The following GRM7 variants were observed in gnomAD, a reference collection of about 807,000 sequenced individuals.
GRM7 encodes the protein metabotropic glutamate receptor 7.
A neutral mutation model predicts 84.5 loss-of-function variants in GRM7; 35 were observed. The ratio of observed to expected loss-of-function variants is 0.41; its 90% CI spans 0.32 to 0.55. The LOEUF is 0.55. GRM7 is among the 20% of genes least tolerant of loss of function. GRM7 has a pLI of 0.19. For synonymous variants in GRM7, 487 were observed against 455.1 expected (o/e 1.07, Z -0.89); for missense variants, 1,003 against 1,194.6 (o/e 0.84, Z 2.36).
intron 3 of GRM7, among the ~76,000 whole-genome samples, chr3:7,300,308 G>A (rs900083749): frequency 2.6e-5 from 4 of 152,110 alleles, no homozygotes; most frequent in East Asian, 1.9e-4. Context: ...CCTGCTTTGT[G>A]TATCCTAGAC....
At chr3:6,933,066 T>C (rs1697567098) in intron 1 of GRM7, among the ~76,000 whole-genome samples, 1 of 152,146 alleles carries the variant, frequency 6.6e-6, no homozygotes, top group East Asian at 1.9e-4. Context: ...TTAATGTTTT[T>C]ATAAGTTAGA....
chr3:7,137,661 G>C (rs993572059), intron 1 of GRM7, among the ~76,000 whole-genome samples: 18 of 152,040 alleles, frequency 1.2e-4, no homozygotes, highest in African/African-American at 3.9e-4. Flanking sequence ...TAGAGAAGTG[G>C]AATTAGTTTG....
chr3:7,484,764 C>CCTTT (rs1444285921), intron 7 of GRM7, among the ~76,000 whole-genome samples: 1 of 152,168 alleles, frequency 6.6e-6, no homozygotes, highest in East Asian at 1.9e-4. Context: ...GTTGAGTGCT[C>CCTTT]CTTACCTCCT....
At chr3:7,027,846 A>G (rs951751733) in intron 1 of GRM7, among the ~76,000 whole-genome samples, 2 of 151,678 alleles carry the variant, frequency 1.3e-5, no homozygotes, top group Non-Finnish European at 2.9e-5. Context: ...TTTTTCTTAG[A>G]CATTTGTTTT....
rs774187639 is a variant in GRM7 at position 6,862,953 on chromosome 3, C to G, written c.519+1046C>G. The G allele has an allele frequency of 2.4e-5, 11 of 455,410 alleles. No homozygotes were observed. Among genetic ancestry groups the G allele is most frequent in the South Asian group, 1.7e-4 (11 of 64,370 alleles). The allele number at this position is 455,410 out of a possible 1,614,324, so 28.2% of individuals were successfully genotyped here. On this transcript the variant is annotated intron_variant, in intron 1 of 9. Coordinates refer to ENST00000357716, the MANE Select transcript of GRM7 (RefSeq NM_000844.4). The surrounding 1 kb of genome is among the most constrained non-coding windows in gnomAD (Gnocchi z 5.2). ...GGTGGGTTCTGCCGCAGTGTTCTCT[C>G]GCCTCCTGCTCCAGCAGCCTCTGCC...
chr3:7,358,899 AT>A (rs1264200720), intron 4 of GRM7, among the ~76,000 whole-genome samples: 1 of 151,976 alleles, frequency 6.6e-6, no homozygotes, highest in African/African-American at 2.4e-5. Context: ...AGGCAGATGA[AT>A]TGAGGTCAGG....
At chr3:7,018,129 C>T (rs941719361) in intron 1 of GRM7, among the ~76,000 whole-genome samples, 1 of 152,110 alleles carries the variant, frequency 6.6e-6, no homozygotes, top group Non-Finnish European at 1.5e-5. Flanking sequence ...TTTAATAGTA[C>T]ATTTTATTTG....
chr3:7,378,012 G>T (rs770223159), intron 4 of GRM7, among the ~76,000 whole-genome samples: 1 of 152,026 alleles, frequency 6.6e-6, no homozygotes, highest in Non-Finnish European at 1.5e-5. Context: ...TCTGTCCCCC[G>T]CTAGGAAGTC....
chr3:7,665,171 T>A (rs1481417540), intron 8 of GRM7, among the ~76,000 whole-genome samples: 1 of 115,460 alleles, frequency 8.7e-6, no homozygotes, highest in Non-Finnish European at 1.7e-5. Context: ...CATGATTCTT[T>A]TTTTTTTTTT....
At chr3:7,345,485 C>G (rs906353608) in intron 4 of GRM7, among the ~76,000 whole-genome samples, 1 of 151,822 alleles carries the variant, frequency 6.6e-6, no homozygotes, top group Non-Finnish European at 1.5e-5. Context: ...GGTTTCATCA[C>G]GTTGGCCAGG....
At chr3:7,338,927 C>T (rs888246676) in intron 4 of GRM7, among the ~76,000 whole-genome samples, 1 of 150,008 alleles carries the variant, frequency 6.7e-6, no homozygotes, top group African/African-American at 2.5e-5. Flanking sequence ...GACTACTTTC[C>T]AGGCTGGGGA....
At chr3:7,056,912 C>G (rs936771857) in intron 1 of GRM7, among the ~76,000 whole-genome samples, 5 of 151,888 alleles carry the variant, frequency 3.3e-5, no homozygotes, top group Non-Finnish European at 4.4e-5. Flanking sequence ...CATAGATATC[C>G]TTATTAATTT....
At chr3:7,208,155 A>T (rs1163414217) in intron 2 of GRM7, among the ~76,000 whole-genome samples, 2 of 152,208 alleles carry the variant, frequency 1.3e-5, no homozygotes, top group African/African-American at 4.8e-5. Context: ...CACCCATTCG[A>T]TACCTCTCCA....
chr3:6,971,174 A>AC lies in GRM7; in HGVS notation c.519+109267_519+109268insC, dbSNP rs1693738117. On this transcript the variant is annotated intron_variant, in intron 1 of 9. Coordinates refer to ENST00000357716, the MANE Select transcript of GRM7 (RefSeq NM_000844.4). ...AAAACTGCAGCAAAGATGATTCCAC[A>AC]AAAAAAAAAAAATTAAAAATAACAA... Among the ~76,000 whole-genome samples, 3 of 100,350 alleles carry AC rather than the reference A, an allele frequency of 3.0e-5. No individual in the cohort carries two copies. In the South Asian group the frequency reaches 8.9e-4, roughly 30 times the overall value. The allele number at this position is 100,350 out of a possible 152,430, so 65.8% of individuals were successfully genotyped here.
chr3:7,453,933 G>C lies in GRM7; in HGVS notation c.1375+1126G>C, dbSNP rs999507475. On this transcript the variant is annotated intron_variant, in intron 6 of 9. Transcript: ENST00000357716. ...CGGGCTGATAGCGTATTAACAAAAA[G>C]GTGGAGGAAGGTTAGAATGCTGCCT... 9.9e-5 allele frequency among the ~76,000 whole-genome samples: 15 copies of C among 152,086 alleles called. 1 individual carries two copies. The highest frequency in any genetic ancestry group is 2.2e-4 in the Non-Finnish European group (15 of 68,018).
intron 8 of GRM7, among the ~76,000 whole-genome samples, chr3:7,628,879 C>T (rs1044143035): frequency 5.3e-5 from 8 of 152,272 alleles, no homozygotes; most frequent in South Asian, 2.1e-4. Flanking sequence ...TGCTTAGCTG[C>T]GTATCACAAT....
At chr3:7,182,221 CA>C (rs565367163) in intron 2 of GRM7, among the ~76,000 whole-genome samples, 7 of 151,450 alleles carry the variant, frequency 4.6e-5, no homozygotes, top group African/African-American at 7.3e-5. Context: ...ACTGATAATG[CA>C]AAAAAAACTA....
chr3:7,311,892 G>A (rs1241424369), intron 4 of GRM7, among the ~76,000 whole-genome samples: 1 of 152,110 alleles, frequency 6.6e-6, no homozygotes, highest in African/African-American at 2.4e-5. Context: ...ACTGCACCCG[G>A]CCTCAACACA....
intron 8 of GRM7, among the ~76,000 whole-genome samples, chr3:7,595,123 C>T (rs761666671): frequency 6.6e-6 from 1 of 152,110 alleles, no homozygotes; most frequent in African/African-American, 2.4e-5. Context: ...ACTATCTAGG[C>T]CTTGGGGACA....
Sources: gnomAD v4.1 joint callset for allele counts (sites outside exome capture counted in the v4.1 genomes callset) on GRCh38, gnomAD v4.1.1 for gene constraint, Gnocchi (gnomAD v3.1) non-coding constraint, MANE v1.5 for transcripts, NCBI Gene and HGNC (gene_info 2026-07-23, HGNC 2026-07-21) for gene names.